Variants in GNL3L observed in about 807,000 individuals in gnomAD.
The protein encoded by GNL3L is guanine nucleotide-binding protein-like 3-like protein.
GNL3L carries 4 observed loss-of-function variants against 42.9 expected under a neutral mutation model. The ratio of observed to expected loss-of-function variants is 0.09; its 90% CI spans 0.05 to 0.21. The LOEUF (loss-of-function observed/expected upper bound fraction) is 0.21. Among genes scored for constraint, GNL3L ranks in the 10% least tolerant of loss-of-function variants. The pLI is 1.00. For missense variants in GNL3L, 412 were observed against 481.7 expected, an observed-to-expected ratio of 0.86 and a Z score of 1.36; for synonymous variants, 159 against 176.3, an observed-to-expected ratio of 0.90 and a Z score of 0.78.
chrX:54,580,067 A>G (rs1353762920), intron 16 of GNL3L, among the ~76,000 whole-genome samples: 11 of 95,547 alleles, frequency 1.2e-4, no homozygotes, highest in African/African-American at 4.5e-4. Flanking sequence ...TTACATATAT[A>G]TACATGTGCC....
chrX:54,556,473 G>A (rs1925099528), intron 14 of GNL3L, among the ~76,000 whole-genome samples: 1 of 110,901 alleles, frequency 9.0e-6, no homozygotes, highest in Non-Finnish European at 1.9e-5. Flanking sequence ...TACAATTCAA[G>A]ATGAGATTTT....
rs1448937558 is a variant in GNL3L, at chrX:54,562,906, A to G, written c.*2304A>G. On this transcript the variant is annotated 3_prime_UTR_variant, in exon 16 of 16. Transcript: ENST00000360845. ...AAACCCTATGCAGGCCCTTTCCTCT[A>G]TATTGTACTGCCTCCTTAACAAAGG... is the stretch of plus-strand genomic sequence containing the variant. 9.0e-6 allele frequency among the ~76,000 whole-genome samples: 1 copy of G among 111,158 alleles called. No homozygotes were observed. Among genetic ancestry groups the G allele is most frequent in the Non-Finnish European group, 1.9e-5 (1 of 53,076 alleles).
downstream of GNL3L, among the ~76,000 whole-genome samples, chrX:54,621,724 T>G (rs1489252342): frequency 9.0e-6 from 1 of 110,650 alleles, no homozygotes; most frequent in Non-Finnish European, 1.9e-5. Flanking sequence ...GAGAATCGCT[T>G]GAACCCAGGA....
chrX:54,557,496 G>A (rs967394331), intron 14 of GNL3L, among the ~76,000 whole-genome samples: 2 of 110,906 alleles, frequency 1.8e-5, no homozygotes, highest in Admixed American at 1.9e-4. Flanking sequence ...GTGCAGTGGT[G>A]CAGTCTTGGC....
At chrX:54,544,729 C>T (rs752230867) in intron 8 of GNL3L, among the ~76,000 whole-genome samples, 5 of 110,430 alleles carry the variant, frequency 4.5e-5, no homozygotes, top group South Asian at 3.9e-4. Context: ...CCACCCACCT[C>T]GGCCTCCCAA....
Position 54,552,434 on chromosome X carries a change from TGTGGGCAGG to T in GNL3L, c.1318+12_1318+20del, listed in dbSNP as rs767738755. ...CAATGAAGACACCATGGAATGTAAGTGTGGGCAGGGTGGGTGCACTTGGTCTTGCACTAG... is the reference window on the plus strand; with the variant it reads ...CAATGAAGACACCATGGAATGTAAGTGTGGGTGCACTTGGTCTTGCACTAG... On this transcript the variant is annotated splice_region_variant and intron_variant, in intron 13 of 15. Transcript: ENST00000360845. 1.7e-6 allele frequency: 2 copies of T among 1,208,959 alleles called. No homozygotes were observed. Among genetic ancestry groups the T allele is most frequent in the Non-Finnish European group, 2.2e-6 (2 of 893,195 alleles).
intron 15 of GNL3L, among the ~76,000 whole-genome samples, chrX:54,559,879 G>A (rs1925208390): frequency 8.9e-6 from 1 of 111,842 alleles, no homozygotes; most frequent in African/African-American, 3.2e-5. Context: ...CTGAGTCCTG[G>A]GAATTCAGAT....
At chrX:54,549,712 C>T (rs1017434175) in intron 9 of GNL3L, among the ~76,000 whole-genome samples, 3 of 111,777 alleles carry the variant, frequency 2.7e-5, no homozygotes, top group African/African-American at 9.8e-5. Flanking sequence ...AGCGAGACTC[C>T]GTCTCAAAAA....
intron 16 of GNL3L, among the ~76,000 whole-genome samples, chrX:54,584,694 G>T (rs979210720): frequency 8.9e-6 from 1 of 112,936 alleles, no homozygotes; most frequent in African/African-American, 3.2e-5. Flanking sequence ...TCCTTTGAAT[G>T]TATACCCAGT....
intron 1 of GNL3L, 74 bp from the exon 2 acceptor site, chrX:54,532,446 G>T (rs1211092971): frequency 3.4e-6 from 2 of 584,617 alleles, no homozygotes. Flanking sequence ...TTTACCTTTA[G>T]GGGACTTAGG....
rs1175739614 is a variant in GNL3L at position 54,566,833 on chromosome X, G to A, written c.*6231G>A. On this transcript the variant is annotated 3_prime_UTR_variant, in exon 16 of 16. Coordinates refer to ENST00000360845, the MANE Select transcript of GNL3L (RefSeq NM_001184819.2). ...CTGTCACCCAGGCTGGGGTGCAGTGGTGTGCTCATAGGTCACTGTAGCTTC... is the reference window on the plus strand; with the variant it reads ...CTGTCACCCAGGCTGGGGTGCAGTGATGTGCTCATAGGTCACTGTAGCTTC... Among the ~76,000 whole-genome samples the A allele has an allele frequency of 8.9e-6, 1 of 111,882 alleles. No homozygotes were observed. The highest frequency in any genetic ancestry group is 1.9e-5 in the Non-Finnish European group (1 of 53,208).
intron 16 of GNL3L, among the ~76,000 whole-genome samples, chrX:54,583,295 C>T (rs1385842413): frequency 9.0e-6 from 1 of 110,691 alleles, no homozygotes; most frequent in Non-Finnish European, 1.9e-5. Flanking sequence ...TGGGTTCAAG[C>T]GATTCTTCTG....
Position 54,604,739 on chromosome X carries a change from C to T in GNL3L, c.*46-16106C>T, listed in dbSNP as rs1926040005. Among the ~76,000 whole-genome samples the T allele has an allele frequency of 2.7e-5, 3 of 112,138 alleles. No homozygotes were observed. In the South Asian group the frequency reaches 1.1e-3, roughly 42 times the overall value. On this transcript the variant is annotated intron_variant, in intron 16 of 16. Transcript: ENST00000674498. Reference sequence around the variant, plus strand: ...ACAGCAGAACTCTGAAATTTGACTTCTGGGTTCAAATCCAGTTTCTGCTAC... The same window carrying T: ...ACAGCAGAACTCTGAAATTTGACTTTTGGGTTCAAATCCAGTTTCTGCTAC...
chrX:54,625,794 A>T (rs2147543842), downstream of GNL3L, among the ~76,000 whole-genome samples: 1 of 111,676 alleles, frequency 9.0e-6, no homozygotes, highest in South Asian at 3.8e-4. Context: ...ACAAAATTTT[A>T]AACCACTGTA....
chrX:54,641,904 G>A, the GNL3L span, among the ~76,000 whole-genome samples: 1 of 111,810 alleles, frequency 8.9e-6, no homozygotes, highest in Admixed American at 9.5e-5. Context: ...GGCTGAATGA[G>A]GAAGCTGGGG....
At position 54,579,986 on chromosome X, in the gene GNL3L, G is replaced by GTTTT. The variant is rs869217575; in HGVS notation, c.*45+19363_*45+19366dup. On this transcript the variant is annotated intron_variant, in intron 16 of 16. Coordinates refer to the GNL3L transcript ENST00000674498. The stretch of plus-strand genomic sequence containing the variant: ...AGCCACTGTGCCTGGCCTAAAGTTT[G>GTTTT]TTTTTTTTTTTTTTTTTTTTTTTTT... Among the ~76,000 whole-genome samples the GTTTT allele has an allele frequency of 2.2e-3, 107 of 47,661 alleles. 9 individuals are homozygous for GTTTT. Among genetic ancestry groups the GTTTT allele is most frequent in the African/African-American group, 9.2e-3 (94 of 10,207 alleles). The allele number at this position is 47,661 out of a possible 115,157, so 41.4% of individuals were successfully genotyped here.
At chrX:54,549,557 T>G (rs1400130094) in intron 9 of GNL3L, among the ~76,000 whole-genome samples, 1 of 111,936 alleles carries the variant, frequency 8.9e-6, no homozygotes, top group Non-Finnish European at 1.9e-5. Context: ...AAATTAGATG[T>G]GTGTGGTGGC....
At chrX:54,575,783 G>A (rs1422562806) in intron 16 of GNL3L, among the ~76,000 whole-genome samples, 1 of 111,610 alleles carries the variant, frequency 9.0e-6, no homozygotes, top group Admixed American at 9.5e-5. Flanking sequence ...GGTGGCGCAT[G>A]CCTGTAATCC....
the GNL3L span, among the ~76,000 whole-genome samples, chrX:54,645,059 G>A: frequency 1.8e-5 from 2 of 111,725 alleles, no homozygotes; most frequent in Non-Finnish European, 3.8e-5. Flanking sequence ...TTGTGGGAAA[G>A]CAATTACCAG....
Sources: allele counts gnomAD v4.1 joint callset (sites outside exome capture counted in the v4.1 genomes callset), GRCh38; gene constraint gnomAD v4.1.1; transcripts MANE v1.5; gene names NCBI Gene and HGNC (gene_info 2026-07-23, HGNC 2026-07-21).